UBN1: variants seen among roughly 807,000 people sequenced by gnomAD.
UBN1 encodes the protein ubinuclein-1.
Under a neutral mutation model 108.5 loss-of-function variants are expected in UBN1, and 17 were observed. That is an observed-to-expected ratio of 0.16 (90% CI 0.11 to 0.24). The LOEUF is 0.24. Ranked by LOEUF, UBN1 falls within the 10% of genes least tolerant of loss-of-function variation. UBN1 has a pLI of 1.00. For missense variants in UBN1, 1,595 were observed against 1,394.4 expected (o/e 1.14, Z -2.29); for synonymous variants, 726 against 564.2 (o/e 1.29, Z -4.07).
At chr16:4,866,373 A>G (rs1157263051) in intron 7 of UBN1, among the ~76,000 whole-genome samples, 1 of 152,130 alleles carries the variant, frequency 6.6e-6, no homozygotes, top group Non-Finnish European at 1.5e-5. Flanking sequence ...GTTTGGTGTT[A>G]AGCTTTTCTT....
intron 10 of UBN1, 91 bp from the exon 11 acceptor site, chr16:4,870,753 C>T (rs1209357244): frequency 1.9e-6 from 3 of 1,590,570 alleles, no homozygotes; most frequent in Non-Finnish European, 2.6e-6. Flanking sequence ...GCCTTTTCTC[C>T]TTCTCTGTGA....
In UBN1 at chr16:4,875,293, C is replaced by G. The variant is rs149516228; in HGVS notation, c.2883C>G (p.Ser961=). ...CAGCAGGGAAAAAAATGCCTGTTTCCCAGAAGTTGACTCTGGTAGCCCCTC... is the reference window on the plus strand; with the variant it reads ...CAGCAGGGAAAAAAATGCCTGTTTCGCAGAAGTTGACTCTGGTAGCCCCTC... The part of the protein sequence containing the change: ...PSSAGKKMPV[S]QKLTLVAPPG... The change falls in exon 15 of 18, where the codon TCC becomes TCG. Residue 961 remains serine, a synonymous_variant. Transcript: ENST00000262376. The G allele has an allele frequency of 6.2e-7, 1 of 1,614,222 alleles. No individual in the cohort carries two copies. Among genetic ancestry groups the G allele is most frequent in the South Asian group, 1.1e-5 (1 of 91,088 alleles).
At position 4,860,797 on chromosome 16, in the gene UBN1, G is replaced by T; in HGVS notation, c.805G>T (p.Val269Phe). 1.2e-6 allele frequency: 2 copies of T among 1,614,294 alleles called. No homozygotes were observed. The highest frequency in any genetic ancestry group is 1.7e-6 in the Non-Finnish European group (2 of 1,180,054). The change falls in exon 7 of 18, where the codon GTT becomes TTT. Residue 269 changes from valine (V) to phenylalanine (F), a missense_variant. Physicochemically the swap from Val to Phe is conservative, Grantham distance 50 (BLOSUM62 -1). Around this residue, in one of 3 missense-constraint regions of UBN1, gnomAD observed 1,398 missense variants for 1,194.7 expected, o/e 1.17. Transcript: ENST00000262376. ...AAAAAGGGAGGAGGAGCATAAGCCTGTTGCGGTCCCATCAGCGGAAGCTCA... is the reference window on the plus strand; with the variant it reads ...AAAAAGGGAGGAGGAGCATAAGCCTTTTGCGGTCCCATCAGCGGAAGCTCA... ...QKKREEEHKP[V>F]AVPSAEAQGL...
intron 1 of UBN1, 65 bp from the exon 2 acceptor site, chr16:4,852,814 T>A: frequency 7.1e-7 from 1 of 1,405,004 alleles, no homozygotes; most frequent in Non-Finnish European, 9.6e-7. Context: ...TAAATCTCTT[T>A]AATTAGGCAG....
intron 2 of UBN1, among the ~76,000 whole-genome samples, chr16:4,855,705 T>C (rs962832694): frequency 2.0e-5 from 3 of 151,470 alleles, no homozygotes; most frequent in East Asian, 1.9e-4. Context: ...GATCACTTGA[T>C]GTCAGGAGTT....
intron 2 of UBN1, among the ~76,000 whole-genome samples, chr16:4,854,044 T>C (rs2086679217): frequency 1.3e-5 from 2 of 152,124 alleles, no homozygotes; most frequent in African/African-American, 2.4e-5. Flanking sequence ...TGGGGTTTTT[T>C]TGTTTTTGAG....
chr16:4,875,904 TTG>T (rs2087858715), intron 15 of UBN1, among the ~76,000 whole-genome samples: 1 of 152,204 alleles, frequency 6.6e-6, no homozygotes, highest in South Asian at 2.1e-4. Context: ...TGCATCTCGC[TTG>T]TGTGTAATCA....
At chr16:4,855,870 G>T (rs1472315350) in intron 2 of UBN1, among the ~76,000 whole-genome samples, 1 of 152,160 alleles carries the variant, frequency 6.6e-6, no homozygotes, top group Non-Finnish European at 1.5e-5. Flanking sequence ...AGTGAGCTGA[G>T]ATCATGCCAC....
At chr16:4,871,803 G>A (rs1016576312) in intron 12 of UBN1, among the ~76,000 whole-genome samples, 6 of 151,942 alleles carry the variant, frequency 3.9e-5, no homozygotes, top group African/African-American at 1.2e-4. Context: ...AGCCAGGATG[G>A]TCTCAATCTC....
At position 4,859,066 on chromosome 16, in the gene UBN1, A is replaced by G. The variant is rs544112221; in HGVS notation, c.474A>G (p.Gly158=). The change falls in exon 5 of 18, where the codon GGA becomes GGG. Residue 158 remains glycine, a synonymous_variant. Transcript: ENST00000262376. ...LVPASLTTKY[G]GFYINSGTLQ... The stretch of plus-strand genomic sequence containing the variant: ...CTGCTTCTTTGACTACGAAGTATGG[A>G]GGATTTTACATTAACTCGGGAACCC... The G allele has an allele frequency of 5.6e-6, 9 of 1,614,242 alleles. No homozygotes were observed. The South Asian group carries it at 9.9e-5, about 18-fold the overall frequency.
Position 4,875,211 on chromosome 16 carries a change from T to G in UBN1, c.2801T>G (p.Val934Gly), listed in dbSNP as rs368664914. The G allele has an allele frequency of 1.9e-6, 3 of 1,614,220 alleles. No homozygotes were observed. Among genetic ancestry groups the G allele is most frequent in the Non-Finnish European group, 1.7e-6 (2 of 1,180,030 alleles). ...PVQSSVSGSLVPGIQPPSVGQ... is the reference protein window; with the variant it reads ...PVQSSVSGSLGPGIQPPSVGQ... ...CAGAGTTCTGTTTCTGGGAGCCTGG[T>G]CCCTGGCATACAGCCTCCCTCCGTG... The change falls in exon 15 of 18, where the codon GTC becomes GGC. Residue 934 changes from valine (V) to glycine (G), a missense_variant. This residue lies in a region of UBN1 where 1,398 missense variants were observed against 1,194.7 expected (regional missense o/e 1.17). Transcript: ENST00000262376.
Position 4,870,919 on chromosome 16 carries a change from G to A in UBN1, c.1506G>A (p.Gly502=). 1 of 1,614,128 alleles carries A rather than the reference G, an allele frequency of 6.2e-7. No individual in the cohort carries two copies. Among genetic ancestry groups the A allele is most frequent in the Non-Finnish European group, 8.5e-7 (1 of 1,180,028 alleles). ...ATGAGGAAGAAGATGAAGAAAAAGG[G>A]GGCAGGAGGATAATGGGACCTCGGA... The part of the protein sequence containing the change: ...CSDEEEDEEK[G]GRRIMGPRKK... Residue 502 remains glycine (G), a synonymous_variant, in exon 11 of 18, where the codon GGG becomes GGA. Transcript: ENST00000262376.
In UBN1 at chr16:4,853,156, C is replaced by T. The variant is rs766787094; in HGVS notation, c.239C>T (p.Pro80Leu). 3.1e-6 allele frequency: 5 copies of T among 1,614,130 alleles called. No individual in the cohort carries two copies. The highest frequency in any genetic ancestry group is 2.2e-5 in the East Asian group (1 of 44,886). Residue 80 changes from proline (P) to leucine (L), a missense_variant, in exon 2 of 18, where the codon CCT (proline) becomes CTT (leucine). Pro to Leu is a moderately conservative substitution (Grantham distance 98). Around this residue, in one of 3 missense-constraint regions of UBN1, gnomAD observed 181 missense variants for 157.3 expected, o/e 1.15. Transcript: ENST00000262376. ...NIRGKVKGLQ[P>L]GDKKKDLSDP... ...CGAGGGAAGGTAAAAGGCCTTCAGC[C>T]TGGAGATAAGGTACACCCCTTTGTT...
In UBN1 at chr16:4,852,882, C is replaced by T; in HGVS notation, c.-36C>T. On this transcript the variant is annotated 5_prime_UTR_variant, in exon 2 of 18. Transcript: ENST00000262376. ...CCCTTCTTTTCAATGTTAACAGAAG[C>T]CATGCAGTGACACCCGCTAAGACTT... 1 of 1,589,768 alleles carries T rather than the reference C, an allele frequency of 6.3e-7. No homozygotes were observed. The highest frequency in any genetic ancestry group is 1.3e-5 in the African/African-American group (1 of 74,214).
In UBN1 at chr16:4,852,949, C is replaced by G. The variant is rs148736252; in HGVS notation, c.32C>G (p.Ser11Cys). 5.8e-4 allele frequency: 939 copies of G among 1,614,200 alleles called. 1 individual carries two copies. Among genetic ancestry groups the G allele is most frequent in the Admixed American group, 1.6e-3 (95 of 60,030 alleles). The change falls in exon 2 of 18, where the codon TCT (serine) becomes TGT (cysteine). Residue 11 changes from serine (S) to cysteine (C), a missense_variant. Physicochemically the swap from Ser to Cys is moderately radical, Grantham distance 112. Coordinates refer to ENST00000262376, the MANE Select transcript of UBN1 (RefSeq NM_001079514.3). ...GAGCCCCACAGGGTCCAGTTCACCT[C>G]TCTCCCAGGTTCCCTGAATCCTGCG... MSEPHRVQFT[S>C]LPGSLNPAFL... is the part of the protein sequence containing the mutation.
rs554542822 is a variant in UBN1 at position 4,853,239 on chromosome 16, T to C, written c.249+73T>C. ...TCAGTGCATGCATGTGGGGCTTCCG[T>C]AGCGGGGAAGCAAGACTTAACTGAG... On this transcript the variant is annotated intron_variant, in intron 2 of 17. Transcript: ENST00000262376. 17 of 1,551,588 alleles carry C rather than the reference T, an allele frequency of 1.1e-5. No homozygotes were observed. The Admixed American group carries it at 3.1e-4, about 29-fold the overall frequency.
chr16:4,857,269 G>A (rs2086858346), intron 2 of UBN1, among the ~76,000 whole-genome samples: 1 of 151,340 alleles, frequency 6.6e-6, no homozygotes, highest in African/African-American at 2.4e-5. Context: ...AGGATCACCC[G>A]AGCCTGGGGA....
chr16:4,874,180 T>C (rs1400596335), intron 14 of UBN1, 31 bp from the exon 15 acceptor site: 4 of 1,519,384 alleles, frequency 2.6e-6, no homozygotes, highest in African/African-American at 1.4e-5. Flanking sequence ...TTTGGACCTT[T>C]CTAAACATCA....
intron 2 of UBN1, among the ~76,000 whole-genome samples, chr16:4,857,367 AAAT>A (rs2086865707): frequency 6.6e-6 from 1 of 151,576 alleles, no homozygotes; most frequent in Non-Finnish European, 1.5e-5. Context: ...AAAAAAAAAA[AAAT>A]TTTTTTTTTT....
Sources: allele counts gnomAD v4.1 joint callset (sites outside exome capture counted in the v4.1 genomes callset), GRCh38; gene constraint gnomAD v4.1.1; regional missense constraint gnomAD v4.1.1; transcripts MANE v1.5; gene names NCBI Gene and HGNC (gene_info 2026-07-23, HGNC 2026-07-21).